ADGRV1: variants seen among roughly 807,000 people sequenced by gnomAD.
ADGRV1 encodes adhesion G protein-coupled receptor V1, also known as G-protein coupled receptor 98.
A neutral mutation model predicts 596.2 loss-of-function variants in ADGRV1; 359 were observed. That is an observed-to-expected ratio of 0.60 (90% CI 0.55 to 0.66). The LOEUF (loss-of-function observed/expected upper bound fraction) is 0.66. Ranked by LOEUF, ADGRV1 falls within the 30% of genes least tolerant of loss-of-function variation. The pLI, the probability that ADGRV1 is intolerant of heterozygous loss-of-function variation, is 0.00. For missense variants in ADGRV1, 7,274 were observed against 7,575.6 expected, an observed-to-expected ratio of 0.96 and a Z score of 1.48; for synonymous variants, 2,681 against 2,679.2, an observed-to-expected ratio of 1.00 and a Z score of -0.02.
intron 83 of ADGRV1, among the ~76,000 whole-genome samples, chr5:90,873,511 C>A (rs931948510): frequency 3.2e-4 from 49 of 152,098 alleles, no homozygotes; most frequent in African/African-American, 1.1e-3. Flanking sequence ...CCCAACCCCC[C>A]GTTTATTCTC....
Position 90,653,972 on chromosome 5 carries a change from C to T in ADGRV1, c.4378+20C>T, listed in dbSNP as rs1339582651. 5 of 1,551,458 alleles carry T rather than the reference C, an allele frequency of 3.2e-6. No homozygotes were observed. In the African/African-American group the frequency reaches 5.5e-5, roughly 17 times the overall value. ...CTGACGGTGAGGGTCATCATCACAA[C>T]TAGGACACTGAAATTTGCAGTTTCT... On this transcript the variant is annotated intron_variant, in intron 20 of 89. Coordinates refer to ENST00000405460, the MANE Select transcript of ADGRV1 (RefSeq NM_032119.4).
chr5:90,960,064 A>G lies in ADGRV1; in HGVS notation c.17857-5351A>G, dbSNP rs555724386. On this transcript the variant is annotated intron_variant, in intron 83 of 89. Transcript: ENST00000405460. The stretch of plus-strand genomic sequence containing the variant: ...TGAGGCAGGAGAATGGCGTGAACCC[A>G]GGAGGTGGAGCTTGCAGTGAGCCGA... Among the ~76,000 whole-genome samples, 77 of 149,702 alleles carry G rather than the reference A, an allele frequency of 5.1e-4. 1 individual carries two copies. Among genetic ancestry groups the G allele is most frequent in the East Asian group, 4.1e-3 (21 of 5,072 alleles).
chr5:90,637,144 G>A (rs990375324), intron 10 of ADGRV1, among the ~76,000 whole-genome samples: 12 of 152,108 alleles, frequency 7.9e-5, no homozygotes, highest in Non-Finnish European at 1.2e-4. Context: ...TTTCACATGA[G>A]AAAATTAGGA....
At chr5:91,109,708 TC>T (rs1156254561) in intron 87 of ADGRV1, among the ~76,000 whole-genome samples, 3 of 152,094 alleles carry the variant, frequency 2.0e-5, no homozygotes, top group Non-Finnish European at 4.4e-5. Flanking sequence ...CTGGGTCACA[TC>T]CCATGCAGGA....
At chr5:91,129,766 C>T (rs542533989) in intron 87 of ADGRV1, among the ~76,000 whole-genome samples, 1 of 152,224 alleles carries the variant, frequency 6.6e-6, no homozygotes, top group South Asian at 2.1e-4. Context: ...CTTTATTTGA[C>T]ATGATCCAGT....
intron 60 of ADGRV1, among the ~76,000 whole-genome samples, chr5:90,774,828 A>G (rs1050397109): frequency 9.2e-5 from 14 of 152,214 alleles, no homozygotes; most frequent in Admixed American, 1.3e-4. Context: ...AAATGTTAAT[A>G]GTGGTTTTTG....
At chr5:90,735,734 T>G (rs1753140288) in intron 50 of ADGRV1, among the ~76,000 whole-genome samples, 1 of 152,122 alleles carries the variant, frequency 6.6e-6, no homozygotes, top group African/African-American at 2.4e-5. Flanking sequence ...TCGTCTTTAT[T>G]GCTGTTGTAA....
Position 90,672,678 on chromosome 5 carries a change from A to G in ADGRV1, c.4885A>G (p.Asn1629Asp), listed in dbSNP as rs141346393. 28 of 1,613,672 alleles carry G rather than the reference A, an allele frequency of 1.7e-5. No homozygotes were observed. The East Asian group carries it at 6.2e-4, about 36-fold the overall frequency. Reference sequence around the variant, plus strand: ...TAATTACCTTGTTGATGACTTTGCTAATGCCAGTGGAACTATTACATTCCT... The same window carrying G: ...TAATTACCTTGTTGATGACTTTGCTGATGCCAGTGGAACTATTACATTCCT... Reference protein sequence around the residue: ...GINYLVDDFANASGTITFLPW... With the variant: ...GINYLVDDFADASGTITFLPW... The change falls in exon 22 of 90, where the codon AAT becomes GAT. Residue 1629 changes from asparagine (N) to aspartate (D), a missense_variant. By Grantham distance (23) the Asn-to-Asp change is conservative. Around this residue, in one of 5 missense-constraint regions of ADGRV1, gnomAD observed 3,643 missense variants for 3,809.2 expected, o/e 0.96. Coordinates refer to ENST00000405460, the MANE Select transcript of ADGRV1 (RefSeq NM_032119.4).
chr5:90,675,985 A>G (rs533807760), intron 24 of ADGRV1, 95 bp from the exon 25 acceptor site: 1 of 993,216 alleles, frequency 1.0e-6, no homozygotes, highest in African/African-American at 1.7e-5. Context: ...GGATATAACA[A>G]ACATTCTGAT....
chr5:90,787,991 A>T, intron 67 of ADGRV1, 80 bp from the exon 68 acceptor site: 2 of 971,044 alleles, frequency 2.1e-6, no homozygotes, highest in Non-Finnish European at 2.9e-6. Flanking sequence ...ATATTTTCTT[A>T]ATACTAGATA....
rs966191412 is a variant in ADGRV1 at position 91,017,381 on chromosome 5, G to A, written c.18152+31859G>A. Among the ~76,000 whole-genome samples the A allele has an allele frequency of 4.6e-5, 7 of 151,842 alleles. No homozygotes were observed. In the South Asian group the frequency reaches 8.3e-4, roughly 18 times the overall value. ...AAATGATAAATTTTCCATTTAAAATGTACCAGTGGATCTGTGGGGGTCTAT... is the reference window on the plus strand; with the variant it reads ...AAATGATAAATTTTCCATTTAAAATATACCAGTGGATCTGTGGGGGTCTAT... On this transcript the variant is annotated intron_variant, in intron 85 of 89. Coordinates refer to ENST00000405460, the MANE Select transcript of ADGRV1 (RefSeq NM_032119.4).
chr5:91,058,639 T>C (rs1787122322), intron 85 of ADGRV1, among the ~76,000 whole-genome samples: 2 of 152,158 alleles, frequency 1.3e-5, no homozygotes, highest in African/African-American at 4.8e-5. Context: ...GGTGGTGTGA[T>C]GGTGTCATGT....
intron 67 of ADGRV1, among the ~76,000 whole-genome samples, chr5:90,785,558 A>G (rs1019038693): frequency 6.6e-6 from 1 of 152,236 alleles, no homozygotes; most frequent in Non-Finnish European, 1.5e-5. Flanking sequence ...CAAATTTACA[A>G]GAGAAAAACA....
chr5:90,757,675 T>C (rs1189201770), intron 57 of ADGRV1, among the ~76,000 whole-genome samples: 1 of 152,106 alleles, frequency 6.6e-6, no homozygotes, highest in African/African-American at 2.4e-5. Flanking sequence ...TGAAAAACAA[T>C]ATTCTAGATT....
chr5:91,122,800 C>G (rs13154380), intron 87 of ADGRV1, among the ~76,000 whole-genome samples: 85,758 of 152,028 alleles, frequency 0.56, 25,202 homozygotes, highest in Non-Finnish European at 0.64. Context: ...TCTCTTGCCC[C>G]CTCTCCGCTA....
At position 90,694,474 on chromosome 5, in the gene ADGRV1, A is replaced by G. The variant is rs1268883829; in HGVS notation, c.7718A>G (p.Asn2573Ser). 2 of 1,613,856 alleles carry G rather than the reference A, an allele frequency of 1.2e-6. No homozygotes were observed. Among genetic ancestry groups the G allele is most frequent in the African/African-American group, 2.7e-5 (2 of 74,926 alleles). ...ATTTCTACAGTTGTCATAGCACTAA[A>G]TGGTGATGCCTTTGGAGTGTTTGTG... ...PNISTVVIALNGDAFGVFVIY... is the reference protein window; with the variant it reads ...PNISTVVIALSGDAFGVFVIY... The change falls in exon 33 of 90, where the codon AAT (asparagine) becomes AGT (serine). Residue 2573 changes from asparagine to serine, a missense_variant. Transcript: ENST00000405460.
chr5:90,709,317 T>C (rs1362765307), intron 39 of ADGRV1, among the ~76,000 whole-genome samples: 5 of 152,236 alleles, frequency 3.3e-5, no homozygotes, highest in Non-Finnish European at 7.3e-5. Flanking sequence ...TCTGCTTCTT[T>C]CATGACCTTT....
chr5:90,854,637 A>G (rs1766852196), intron 81 of ADGRV1, among the ~76,000 whole-genome samples: 1 of 152,150 alleles, frequency 6.6e-6, no homozygotes, highest in African/African-American at 2.4e-5. Context: ...ACATTTTGAG[A>G]TTAAATCCAT....
intron 87 of ADGRV1, among the ~76,000 whole-genome samples, chr5:91,129,075 A>G (rs528817560): frequency 3.3e-5 from 5 of 152,188 alleles, no homozygotes; most frequent in Non-Finnish European, 5.9e-5. Flanking sequence ...TAAGATCAAA[A>G]TGATTTAGAA....
Sources: gnomAD v4.1 joint callset for allele counts (sites outside exome capture counted in the v4.1 genomes callset) on GRCh38, gnomAD v4.1.1 for gene constraint, gnomAD v4.1.1 regional missense constraint, MANE v1.5 for transcripts, NCBI Gene and HGNC (gene_info 2026-07-23, HGNC 2026-07-21) for gene names.